BTBD9: variants seen among roughly 807,000 people sequenced by gnomAD.
BTBD9 encodes the protein BTB domain containing 9, also known as BTB/POZ domain-containing protein 9.
A neutral mutation model predicts 64.3 loss-of-function variants in BTBD9; 49 were observed. The ratio of observed to expected loss-of-function variants is 0.76; its 90% CI spans 0.61 to 0.97. The LOEUF (loss-of-function observed/expected upper bound fraction) is 0.97, where lower values mean the gene tolerates loss of function less well. Ranked by LOEUF, BTBD9 falls within the 50% of genes least tolerant of loss-of-function variation. The probability of loss-of-function intolerance (pLI) is 0.00; values close to 1 mark genes in which losing one functional copy is unlikely to be tolerated. For synonymous variants in BTBD9, 260 were observed against 274.7 expected (o/e 0.95, Z 0.53); for missense variants, 598 against 762.1 (o/e 0.78, Z 2.53).
In BTBD9 at chr6:38,294,212, T is replaced by C. The variant is rs145006348; in HGVS notation, c.1265-5751A>G. On this transcript the variant is annotated intron_variant, in intron 7 of 10. Transcript: ENST00000481247. The stretch of plus-strand genomic sequence containing the variant: ...TGGAGAATTAGGAACACTTTTACAC[T>C]GTTGGTGGGACTGTAAACTAGTTCA... Among the ~76,000 whole-genome samples, 1,089 of 152,298 alleles carry C rather than the reference T, an allele frequency of 7.2e-3. 13 individuals carry two copies. The highest frequency in any genetic ancestry group is 0.022 in the African/African-American group (922 of 41,574).
chr6:38,357,684 ACC>A (rs1764782587), intron 6 of BTBD9, among the ~76,000 whole-genome samples: 2 of 120,172 alleles, frequency 1.7e-5, no homozygotes, highest in Admixed American at 1.7e-4. Context: ...CTTGGGTACA[ACC>A]ACTGAGACTG....
chr6:38,254,138 TGAG>T (rs1764495389), intron 9 of BTBD9, among the ~76,000 whole-genome samples: 1 of 151,378 alleles, frequency 6.6e-6, no homozygotes, highest in South Asian at 2.1e-4. Context: ...TGGCTGATGC[TGAG>T]GAGGACCTAG....
At chr6:38,302,803 C>T (rs1301682413) in intron 7 of BTBD9, among the ~76,000 whole-genome samples, 1 of 151,954 alleles carries the variant, frequency 6.6e-6, no homozygotes, top group African/African-American at 2.4e-5. Context: ...TCCATGCCTG[C>T]ATTTGTTCTT....
chr6:38,244,469 A>T (rs1764112882), intron 9 of BTBD9, among the ~76,000 whole-genome samples: 1 of 152,104 alleles, frequency 6.6e-6, no homozygotes, highest in South Asian at 2.1e-4. Flanking sequence ...TCAGAGTTTA[A>T]GTTTGGGCTT....
Position 38,275,796 on chromosome 6 carries a change from A to C in BTBD9, c.1454+12476T>G, listed in dbSNP as rs1761212123. Among the ~76,000 whole-genome samples, 3 of 152,118 alleles carry C rather than the reference A, an allele frequency of 2.0e-5. No individual in the cohort carries two copies. In the South Asian group the frequency reaches 6.2e-4, roughly 32 times the overall value. On this transcript the variant is annotated intron_variant, in intron 8 of 10. Transcript: ENST00000481247. ...AGAAATGCAAATCAAAACCACAATG[A>C]GATACCAACTCACACCAGTTAGAAT... is the stretch of plus-strand genomic sequence containing the variant.
chr6:38,329,001 TG>T (rs1763569482), intron 7 of BTBD9, among the ~76,000 whole-genome samples: 1 of 150,670 alleles, frequency 6.6e-6, no homozygotes, highest in African/African-American at 2.4e-5. Context: ...TGTGTGTGTG[TG>T]TGTGTGTGTG....
At chr6:38,176,904 G>C (rs147770919) in intron 10 of BTBD9, among the ~76,000 whole-genome samples, 2 of 152,176 alleles carry the variant, frequency 1.3e-5, no homozygotes, top group Non-Finnish European at 1.5e-5. Flanking sequence ...CAGGCTCTGC[G>C]GGGCCAGGAC....
intron 6 of BTBD9, among the ~76,000 whole-genome samples, chr6:38,523,942 T>A (rs1404166674): frequency 6.6e-6 from 1 of 152,214 alleles, no homozygotes; most frequent in African/African-American, 2.4e-5. Flanking sequence ...TTCTGCTGCC[T>A]ATGTGGAATC....
chr6:38,552,698 C>T (rs1397655547), intron 6 of BTBD9, among the ~76,000 whole-genome samples: 1 of 146,848 alleles, frequency 6.8e-6, no homozygotes, highest in East Asian at 2.0e-4. Flanking sequence ...ACCCAGGAGG[C>T]GGAGGTTGTA....
intron 6 of BTBD9, among the ~76,000 whole-genome samples, chr6:38,566,268 T>G (rs983300276): frequency 6.6e-6 from 1 of 152,166 alleles, no homozygotes; most frequent in African/African-American, 2.4e-5. Context: ...AAATCATATT[T>G]TAAATGTATT....
At chr6:38,451,545 A>G (rs776345142) in intron 6 of BTBD9, among the ~76,000 whole-genome samples, 1 of 152,186 alleles carries the variant, frequency 6.6e-6, no homozygotes, top group Non-Finnish European at 1.5e-5. Context: ...ACATATCTTA[A>G]TACTGTTTGA....
intron 10 of BTBD9, among the ~76,000 whole-genome samples, chr6:38,190,314 C>A (rs1423029224): frequency 1.3e-5 from 2 of 151,440 alleles, no homozygotes; most frequent in Non-Finnish European, 2.9e-5. Flanking sequence ...AAAAAAATTA[C>A]AAAAATTGGC....
At chr6:38,523,790 GTTA>G in intron 6 of BTBD9, among the ~76,000 whole-genome samples, 1 of 152,274 alleles carries the variant, frequency 6.6e-6, no homozygotes, top group East Asian at 1.9e-4. Context: ...GTCAGGTACT[GTTA>G]TTATCTATAT....
At chr6:38,277,415 C>T (rs1217841912) in intron 8 of BTBD9, among the ~76,000 whole-genome samples, 1 of 151,806 alleles carries the variant, frequency 6.6e-6, no homozygotes, top group Non-Finnish European at 1.5e-5. Context: ...CTCACTGCAA[C>T]CTCTGCCTCC....
At chr6:38,429,137 C>A (rs896243928) in intron 6 of BTBD9, among the ~76,000 whole-genome samples, 1 of 151,728 alleles carries the variant, frequency 6.6e-6, no homozygotes, top group Non-Finnish European at 1.5e-5. Flanking sequence ...CCATTAGATA[C>A]TTCATGGGCA....
At chr6:38,630,837 T>C (rs1169975152) in intron 1 of BTBD9, among the ~76,000 whole-genome samples, 4 of 152,204 alleles carry the variant, frequency 2.6e-5, no homozygotes, top group African/African-American at 9.7e-5. Flanking sequence ...ACTTAGGACC[T>C]TACTTGAGGA....
At chr6:38,412,653 G>A (rs749988779) in intron 6 of BTBD9, among the ~76,000 whole-genome samples, 1 of 151,880 alleles carries the variant, frequency 6.6e-6, no homozygotes, top group Non-Finnish European at 1.5e-5. Flanking sequence ...GAGGTCAGGA[G>A]TTTGAGACCA....
At chr6:38,207,767 G>C (rs1762708209) in intron 9 of BTBD9, among the ~76,000 whole-genome samples, 1 of 152,026 alleles carries the variant, frequency 6.6e-6, no homozygotes, top group Non-Finnish European at 1.5e-5. Flanking sequence ...AAACATTTCA[G>C]TCTACAGTTT....
At chr6:38,263,720 C>T (rs1441557751) in intron 8 of BTBD9, among the ~76,000 whole-genome samples, 1 of 152,110 alleles carries the variant, frequency 6.6e-6, no homozygotes, top group Non-Finnish European at 1.5e-5. Context: ...CCTGGGGTCC[C>T]GACAGATTCC....
Sources: allele counts gnomAD v4.1 joint callset (sites outside exome capture counted in the v4.1 genomes callset), GRCh38; gene constraint gnomAD v4.1.1; transcripts MANE v1.5; gene names NCBI Gene and HGNC (gene_info 2026-07-23, HGNC 2026-07-21).